The following RNF144A variants were observed in gnomAD, a reference collection of about 807,000 sequenced individuals.
RNF144A encodes the protein ring finger protein 144A, also known as E3 ubiquitin-protein ligase RNF144A.
RNF144A carries 11 observed loss-of-function variants against 38.7 expected under a neutral mutation model. The observed-to-expected ratio is 0.28, with a 90% CI of 0.18 to 0.47. RNF144A has a LOEUF of 0.47. Among genes scored for constraint, RNF144A ranks in the 20% least tolerant of loss-of-function variants. The probability of loss-of-function intolerance (pLI) is 0.99; values close to 1 mark genes in which losing one functional copy is unlikely to be tolerated. For synonymous variants in RNF144A, 149 were observed against 143.9 expected, an observed-to-expected ratio of 1.04 and a Z score of -0.25; for missense variants, 316 against 377.2, an observed-to-expected ratio of 0.84 and a Z score of 1.34.
chr2:7,042,041 A>C lies in RNF144A; in HGVS notation c.*2281A>C. 1 of 985,382 alleles carries C rather than the reference A, an allele frequency of 1.0e-6. No homozygotes were observed. The highest frequency in any genetic ancestry group is 6.1e-5 in the Admixed American group (1 of 16,280). 61.0% of individuals were successfully genotyped at this position (985,382 alleles called of 1,614,324 possible). On this transcript the variant is annotated 3_prime_UTR_variant, in exon 9 of 9. Coordinates refer to ENST00000320892, the MANE Select transcript of RNF144A (RefSeq NM_014746.6). ...ATTCTGGGGCCAGCCAGGGGCAGTC[A>C]AATTGGCACCTACTGGCTCTGACTT...
intron 2 of RNF144A, among the ~76,000 whole-genome samples, chr2:6,972,745 G>C (rs1558395777): frequency 6.6e-6 from 1 of 152,230 alleles, no homozygotes; most frequent in Non-Finnish European, 1.5e-5. Flanking sequence ...CTGCGGTTCT[G>C]TTCCTGAGCC....
chr2:7,042,207 C>T lies in RNF144A; in HGVS notation c.*2447C>T, dbSNP rs765388075. 35 of 985,420 alleles carry T rather than the reference C, an allele frequency of 3.6e-5. No individual in the cohort carries two copies. The highest frequency in any genetic ancestry group is 4.2e-5 in the Non-Finnish European group (35 of 829,910). 61.0% of individuals were successfully genotyped at this position (985,420 alleles called of 1,614,324 possible). ...TTCTGTTTTAGTAAGGAGTGCCAGA[C>T]TTATCTTTGATGGGAATACAGTATG... On this transcript the variant is annotated 3_prime_UTR_variant, in exon 9 of 9. Transcript: ENST00000320892.
In RNF144A at chr2:7,054,917, T is replaced by C. The variant is rs549586864; in HGVS notation, c.735-13299T>C. Among the ~76,000 whole-genome samples, 32 of 152,288 alleles carry C rather than the reference T, an allele frequency of 2.1e-4. 1 individual carries two copies. The South Asian group carries it at 6.0e-3, about 29-fold the overall frequency. On this transcript the variant is annotated intron_variant, in intron 6 of 6. Coordinates refer to the RNF144A transcript ENST00000432850. ...CACATTGGTTTCTTGCTCCCCTCAT[T>C]TGATTTTTAACCACTGTCCCTAGCT...
chr2:6,968,306 A>G (rs1667796314), intron 2 of RNF144A, among the ~76,000 whole-genome samples: 1 of 152,228 alleles, frequency 6.6e-6, no homozygotes, highest in Admixed American at 6.5e-5. Flanking sequence ...GATGAGTTGC[A>G]AGTTAAAATA....
intron 8 of RNF144A, among the ~76,000 whole-genome samples, chr2:7,031,895 G>C (rs1478676760): frequency 6.6e-6 from 1 of 152,268 alleles, no homozygotes; most frequent in African/African-American, 2.4e-5. Flanking sequence ...CGGTACGTCA[G>C]TGAGTTACCT....
intron 6 of RNF144A, among the ~76,000 whole-genome samples, chr2:7,023,612 G>A (rs1671678107): frequency 6.6e-6 from 1 of 152,124 alleles, no homozygotes; most frequent in African/African-American, 2.4e-5. Flanking sequence ...AACAGCATGG[G>A]GTGAGTCATA....
intron 2 of RNF144A, among the ~76,000 whole-genome samples, chr2:6,953,302 G>A (rs540940828): frequency 4.9e-4 from 75 of 152,130 alleles, no homozygotes; most frequent in African/African-American, 1.7e-3. Context: ...GGTGGCGGGC[G>A]CCTGTAATCC....
intron 6 of RNF144A, among the ~76,000 whole-genome samples, chr2:7,055,207 C>A (rs533946077): frequency 6.6e-6 from 1 of 152,160 alleles, no homozygotes; most frequent in South Asian, 2.1e-4. Flanking sequence ...TGGAATTATT[C>A]AATCCTGAGC....
intron 1 of RNF144A, among the ~76,000 whole-genome samples, chr2:6,928,143 C>G (rs1304385975): frequency 1.3e-5 from 2 of 152,258 alleles, no homozygotes; most frequent in African/African-American, 4.8e-5. Context: ...ATTATTCAGA[C>G]TCAACTGTTC....
intron 2 of RNF144A, among the ~76,000 whole-genome samples, chr2:6,976,637 A>G (rs1461716801): frequency 1.3e-5 from 2 of 148,510 alleles, no homozygotes; most frequent in African/African-American, 4.9e-5. Context: ...CATTTCATAT[A>G]TATAAATTTA....
chr2:6,980,296 A>G (rs1363064854), intron 2 of RNF144A, among the ~76,000 whole-genome samples: 2 of 152,170 alleles, frequency 1.3e-5, no homozygotes, highest in South Asian at 2.1e-4. Context: ...CATTAACCCA[A>G]AAGTCCAAGT....
chr2:7,008,613 C>CG (rs1217503515), intron 3 of RNF144A, among the ~76,000 whole-genome samples: 2 of 152,234 alleles, frequency 1.3e-5, no homozygotes, highest in Non-Finnish European at 2.9e-5. Flanking sequence ...CCTGTCCCCC[C>CG]GGGCCAGATG....
intron 2 of RNF144A, among the ~76,000 whole-genome samples, chr2:6,990,425 CACACACACACAG>C (rs1177317732): frequency 0.11 from 9,618 of 88,448 alleles, 410 homozygotes; most frequent in East Asian, 0.22. Flanking sequence ...CACACACACA[CACACACACACAG>C]AGCTATATAT....
At chr2:6,951,771 T>C (rs575136630) in intron 2 of RNF144A, among the ~76,000 whole-genome samples, 3 of 152,336 alleles carry the variant, frequency 2.0e-5, no homozygotes, top group African/African-American at 7.2e-5. Flanking sequence ...TTAATATTGA[T>C]CTTGCATCTA....
chr2:7,073,533 C>G, the RNF144A span, among the ~76,000 whole-genome samples: 1 of 152,164 alleles, frequency 6.6e-6, no homozygotes, highest in African/African-American at 2.4e-5. Flanking sequence ...TAAGTTAACT[C>G]AAAGTCACCC....
chr2:7,005,598 G>A (rs930551335), intron 3 of RNF144A, among the ~76,000 whole-genome samples: 14 of 152,182 alleles, frequency 9.2e-5, no homozygotes, highest in Admixed American at 3.9e-4. Context: ...CTGCAAGTCT[G>A]TTCCGTGTTC....
intron 2 of RNF144A, among the ~76,000 whole-genome samples, chr2:6,979,802 T>A (rs1668522604): frequency 6.6e-6 from 1 of 152,230 alleles, no homozygotes; most frequent in South Asian, 2.1e-4. Flanking sequence ...TCTTAATCTG[T>A]TACATGAAGA....
At chr2:7,010,411 C>T (rs368921531) in intron 3 of RNF144A, among the ~76,000 whole-genome samples, 2 of 152,150 alleles carry the variant, frequency 1.3e-5, no homozygotes, top group Non-Finnish European at 2.9e-5. Flanking sequence ...GTTAATAAAT[C>T]GTGGATCCCA....
chr2:6,991,567 C>T (rs1337962988), intron 2 of RNF144A, among the ~76,000 whole-genome samples: 1 of 152,132 alleles, frequency 6.6e-6, no homozygotes, highest in African/African-American at 2.4e-5. Flanking sequence ...TGTCTTAGGG[C>T]CACACAGACT....
Sources: allele counts gnomAD v4.1 joint callset (sites outside exome capture counted in the v4.1 genomes callset), GRCh38; gene constraint gnomAD v4.1.1; transcripts MANE v1.5; gene names NCBI Gene and HGNC (gene_info 2026-07-23, HGNC 2026-07-21).